The following TMTC4 variants were observed in gnomAD, a reference collection of about 807,000 sequenced individuals.
TMTC4 encodes the protein transmembrane O-mannosyltransferase targeting cadherins 4.
TMTC4 carries 65 observed loss-of-function variants against 86.0 expected under a neutral mutation model. The observed-to-expected ratio is 0.76, with a 90% CI of 0.62 to 0.93. The LOEUF is 0.93. Ranked by LOEUF, TMTC4 falls within the 40% of genes least tolerant of loss-of-function variation. TMTC4 has a pLI of 0.00. For missense variants in TMTC4, 866 were observed against 948.1 expected (o/e 0.91, Z 1.14); for synonymous variants, 379 against 382.5 (o/e 0.99, Z 0.11).
At chr13:100,654,405 G>T (rs1029763460) in intron 6 of TMTC4, among the ~76,000 whole-genome samples, 1 of 152,146 alleles carries the variant, frequency 6.6e-6, no homozygotes, top group Admixed American at 6.5e-5. Context: ...ATTTATGTCA[G>T]TATTGAAATA....
Position 100,634,716 on chromosome 13 carries a change from C to T in TMTC4, c.1506+89G>A, listed in dbSNP as rs185153739. ...TTCGGTCATGGTCTTACACTAAATA[C>T]TGCGCGACAGGAAATGTTCTTATTC... On this transcript the variant is annotated intron_variant, in intron 12 of 18. Transcript: ENST00000342624. 1.6e-5 allele frequency: 24 copies of T among 1,494,958 alleles called. 1 individual carries two copies. The East Asian group carries it at 4.4e-4, about 27-fold the overall frequency. The allele number at this position is 1,494,958 out of a possible 1,614,324, so 92.6% of individuals were successfully genotyped here.
At chr13:100,630,834 G>C (rs1232797248) in intron 12 of TMTC4, among the ~76,000 whole-genome samples, 1 of 152,172 alleles carries the variant, frequency 6.6e-6, no homozygotes, top group Non-Finnish European at 1.5e-5. Context: ...CCAGAGACCA[G>C]AAGATCAAAG....
At chr13:100,668,934 T>C in intron 2 of TMTC4, 140 bp from the exon 3 acceptor site, 1 of 923,298 alleles carries the variant, frequency 1.1e-6, no homozygotes, top group Non-Finnish European at 1.6e-6. Flanking sequence ...GAAGCTGTGC[T>C]TCCCAAACTT....
Position 100,663,257 on chromosome 13 carries a change from C to T in TMTC4, c.336-77G>A, listed in dbSNP as rs1056734574. 3.9e-6 allele frequency: 5 copies of T among 1,283,166 alleles called. No homozygotes were observed. In the Admixed American group the frequency reaches 7.4e-5, roughly 19 times the overall value. 79.5% of individuals were successfully genotyped at this position (1,283,166 alleles called of 1,614,324 possible). On this transcript the variant is annotated intron_variant, in intron 4 of 18. Transcript: ENST00000342624. The stretch of plus-strand genomic sequence containing the variant: ...AATGGCAAAGGTCTGGAGGAGAAGG[C>T]TTGTGTGTGGAAATATTAAAAGGAG...
chr13:100,640,502 C>T (rs545805901), intron 7 of TMTC4, among the ~76,000 whole-genome samples: 31 of 152,244 alleles, frequency 2.0e-4, no homozygotes, highest in Admixed American at 9.2e-4. Context: ...TTGTATCAAG[C>T]CCCAGACAGC....
At chr13:100,664,441 T>C in intron 3 of TMTC4, 105 bp from the exon 4 acceptor site, 1 of 713,452 alleles carries the variant, frequency 1.4e-6, no homozygotes, top group East Asian at 3.0e-5. Flanking sequence ...CTAGCGGGGA[T>C]GCTGTGCCCA....
At chr13:100,629,909 G>A (rs1288189352) in intron 12 of TMTC4, among the ~76,000 whole-genome samples, 1 of 152,126 alleles carries the variant, frequency 6.6e-6, no homozygotes, top group African/African-American at 2.4e-5. Flanking sequence ...GGTGCCGTCT[G>A]CAAGCTAAGG....
chr13:100,625,470 T>C lies in TMTC4; in HGVS notation c.1836+65A>G, dbSNP rs767347487. 13 of 1,600,268 alleles carry C rather than the reference T, an allele frequency of 8.1e-6. No homozygotes were observed. In the South Asian group the frequency reaches 1.3e-4, roughly 16 times the overall value. On this transcript the variant is annotated intron_variant, in intron 15 of 18. Coordinates refer to ENST00000342624, the MANE Select transcript of TMTC4 (RefSeq NM_032813.5). The stretch of plus-strand genomic sequence containing the variant: ...GGGCTAGGTGGGTGTCACTATGTCA[T>C]TTTATTATAAATAAGAAAAATAACC...
intron 5 of TMTC4, among the ~76,000 whole-genome samples, chr13:100,659,008 A>T (rs1446183987): frequency 2.0e-5 from 3 of 152,190 alleles, no homozygotes; most frequent in Non-Finnish European, 4.4e-5. Flanking sequence ...TATTTGCATA[A>T]TATGTATTTT....
intron 12 of TMTC4, among the ~76,000 whole-genome samples, chr13:100,630,587 C>T (rs1202617362): frequency 6.6e-6 from 1 of 152,128 alleles, no homozygotes; most frequent in African/African-American, 2.4e-5. Flanking sequence ...CACCTCCTCT[C>T]GTATGCACAA....
rs180872489 is a variant in TMTC4 at position 100,634,702 on chromosome 13, T to A, written c.1506+103A>T. 3,480 of 1,415,210 alleles carry A rather than the reference T, an allele frequency of 2.5e-3. 5 individuals carry two copies. Among genetic ancestry groups the A allele is most frequent in the Non-Finnish European group, 3.1e-3 (3,282 of 1,054,448 alleles). The allele number at this position is 1,415,210 out of a possible 1,614,324, so 87.7% of individuals were successfully genotyped here. On this transcript the variant is annotated intron_variant, in intron 12 of 18. Coordinates refer to ENST00000342624, the MANE Select transcript of TMTC4 (RefSeq NM_032813.5). ...GAAAAACCCAAGTATTCGGTCATGG[T>A]CTTACACTAAATACTGCGCGACAGG...
chr13:100,674,257 G>A (rs1043959721), intron 1 of TMTC4: 2 of 979,656 alleles, frequency 2.0e-6, no homozygotes, highest in Non-Finnish European at 2.4e-6. Context: ...CGGCGGGGGA[G>A]CCGCCGCGGA....
At position 100,663,026 on chromosome 13, in the gene TMTC4, C is replaced by T. The variant is rs757933840; in HGVS notation, c.490G>A (p.Ala164Thr). 1.5e-5 allele frequency: 25 copies of T among 1,614,048 alleles called. No individual in the cohort carries two copies. The highest frequency in any genetic ancestry group is 2.2e-5 in the South Asian group (2 of 91,082). The part of the protein sequence containing the change: ...YTSKGRRLHL[A>T]PRASLLAALL... Reference sequence around the variant, plus strand: ...GCGGCCAGCAGGGACGCCCTGGGGGCGAGGTGCAGCCTCCGGCCTTTACTG... The same window carrying T: ...GCGGCCAGCAGGGACGCCCTGGGGGTGAGGTGCAGCCTCCGGCCTTTACTG... Residue 164 changes from alanine to threonine, a missense_variant, in exon 5 of 19, where the codon GCC becomes ACC. Transcript: ENST00000342624.
At chr13:100,642,467 T>A (rs992259526) in intron 6 of TMTC4, among the ~76,000 whole-genome samples, 156 bp from the exon 7 acceptor site, 2 of 152,144 alleles carry the variant, frequency 1.3e-5, no homozygotes, top group African/African-American at 4.8e-5. Flanking sequence ...CAAGAGTGCA[T>A]TAGACAACAC....
intron 15 of TMTC4, among the ~76,000 whole-genome samples, chr13:100,618,954 T>C (rs902234417): frequency 6.6e-6 from 1 of 152,234 alleles, no homozygotes; most frequent in Non-Finnish European, 1.5e-5. Context: ...CCCCTTTCTA[T>C]TCCACAAAAC....
At position 100,634,913 on chromosome 13, in the gene TMTC4, C is replaced by T. The variant is rs1250122003; in HGVS notation, c.1398G>A (p.Leu466=). The change falls in exon 12 of 19, where the codon CTG becomes CTA. Residue 466 remains leucine, a synonymous_variant. Transcript: ENST00000342624. The part of the protein sequence containing the change: ...KKKKLIAAVV[L]GILFINTLRC... ...TCAGCGTGTTGATGAATAAGATTCC[C>T]AGCACGACAGCGGCAATGAGTTTCT... The T allele has an allele frequency of 1.2e-6, 2 of 1,614,056 alleles. No individual in the cohort carries two copies. The highest frequency in any genetic ancestry group is 1.1e-5 in the South Asian group (1 of 91,046).
intron 4 of TMTC4, 75 bp from the exon 5 acceptor site, chr13:100,663,255 G>C: frequency 7.6e-7 from 1 of 1,310,326 alleles, no homozygotes; most frequent in Non-Finnish European, 1.1e-6. Flanking sequence ...TGGAGGAGAA[G>C]GCTTGTGTGT....
chr13:100,625,180 G>T (rs1473815921), intron 15 of TMTC4: 4 of 274,622 alleles, frequency 1.5e-5, no homozygotes. Flanking sequence ...TTTAATCTCT[G>T]TTCTTACTCA....
At chr13:100,606,532 T>C (rs1040252817) in intron 17 of TMTC4, 105 bp from the exon 18 acceptor site, 1 of 851,816 alleles carries the variant, frequency 1.2e-6, no homozygotes, top group Admixed American at 2.5e-5. Context: ...CTCCTCCTTT[T>C]GTATCAATGC....
Sources: gnomAD v4.1 joint callset for allele counts (sites outside exome capture counted in the v4.1 genomes callset) on GRCh38, gnomAD v4.1.1 for gene constraint, MANE v1.5 for transcripts, NCBI Gene and HGNC (gene_info 2026-07-23, HGNC 2026-07-21) for gene names.